PHTF2: variants seen among roughly 807,000 people sequenced by gnomAD.
PHTF2 encodes the protein protein PHTF2.
A neutral mutation model predicts 101.2 loss-of-function variants in PHTF2; 60 were observed. That is an observed-to-expected ratio of 0.59 (90% CI 0.48 to 0.73). The LOEUF (loss-of-function observed/expected upper bound fraction) is 0.73, where lower values mean the gene tolerates loss of function less well. Among genes scored for constraint, PHTF2 ranks in the 30% least tolerant of loss-of-function variants. The pLI is 0.00. For synonymous variants in PHTF2, 311 were observed against 307.3 expected, an observed-to-expected ratio of 1.01 and a Z score of -0.13; for missense variants, 747 against 908.7, an observed-to-expected ratio of 0.82 and a Z score of 2.29.
chr7:77,932,196 C>G (rs577271573), intron 12 of PHTF2, among the ~76,000 whole-genome samples: 4 of 152,156 alleles, frequency 2.6e-5, no homozygotes, highest in Admixed American at 2.6e-4. Context: ...GGTGTTGACT[C>G]CCTAATATAT....
At chr7:77,854,117 T>C (rs1236256445) in intron 2 of PHTF2, among the ~76,000 whole-genome samples, 1 of 152,194 alleles carries the variant, frequency 6.6e-6, no homozygotes, top group East Asian at 1.9e-4. Context: ...GGGAATTTAG[T>C]TTTGTGATCT....
chr7:77,886,135 A>G (rs1377290283), intron 3 of PHTF2, among the ~76,000 whole-genome samples: 1 of 152,154 alleles, frequency 6.6e-6, no homozygotes. Flanking sequence ...TAAACTATTG[A>G]TAACTACCTT....
intron 5 of PHTF2, among the ~76,000 whole-genome samples, chr7:77,897,027 A>G (rs868099246): frequency 6.6e-6 from 1 of 152,228 alleles, no homozygotes. Flanking sequence ...AAAAACTTTG[A>G]TTTTTTCTGA....
At chr7:77,846,408 T>C (rs977393761) in intron 2 of PHTF2, among the ~76,000 whole-genome samples, 5 of 152,244 alleles carry the variant, frequency 3.3e-5, no homozygotes, top group Non-Finnish European at 7.3e-5. Flanking sequence ...CCTTATGTGA[T>C]GCTTATTATG....
At chr7:77,905,986 A>T (rs1000698460) in intron 7 of PHTF2, among the ~76,000 whole-genome samples, 1 of 151,186 alleles carries the variant, frequency 6.6e-6, no homozygotes, top group Admixed American at 6.6e-5. Context: ...TTCTCTATAT[A>T]TCTTCTTTTT....
At chr7:77,822,069 G>A (rs1488923857) in intron 1 of PHTF2, among the ~76,000 whole-genome samples, 2 of 152,344 alleles carry the variant, frequency 1.3e-5, no homozygotes, top group East Asian at 3.9e-4. Context: ...GCTGCTTAGA[G>A]ACGTGGGGGG....
At chr7:77,828,656 A>G (rs1258346697) in intron 1 of PHTF2, among the ~76,000 whole-genome samples, 1 of 152,140 alleles carries the variant, frequency 6.6e-6, no homozygotes, top group Non-Finnish European at 1.5e-5. Context: ...TCAAAATACA[A>G]AATTTATATA....
intron 1 of PHTF2, among the ~76,000 whole-genome samples, chr7:77,829,562 A>G (rs1258442862): frequency 1.3e-5 from 2 of 152,242 alleles, no homozygotes; most frequent in African/African-American, 2.4e-5. Context: ...TATAGATCAC[A>G]TGATTACAAA....
intron 1 of PHTF2, among the ~76,000 whole-genome samples, chr7:77,834,183 A>G (rs1211186138): frequency 6.6e-6 from 1 of 152,026 alleles, no homozygotes; most frequent in Non-Finnish European, 1.5e-5. Flanking sequence ...GCATCATGGT[A>G]CATGCCTATA....
chr7:77,867,257 T>TCA (rs1798142992), intron 3 of PHTF2, among the ~76,000 whole-genome samples: 1 of 152,144 alleles, frequency 6.6e-6, no homozygotes, highest in East Asian at 1.9e-4. Flanking sequence ...TGATTAGGGA[T>TCA]TAAATGTAAC....
intron 2 of PHTF2, among the ~76,000 whole-genome samples, chr7:77,846,557 C>G (rs1054283624): frequency 4.6e-5 from 3 of 65,434 alleles, no homozygotes; most frequent in East Asian, 4.5e-4. Context: ...CCCTCCCCTC[C>G]CCTCCCCTCG....
chr7:77,890,685 A>G (rs1345774384), intron 3 of PHTF2, among the ~76,000 whole-genome samples: 1 of 138,842 alleles, frequency 7.2e-6, no homozygotes, highest in Non-Finnish European at 1.5e-5. Flanking sequence ...GGCTCACCGC[A>G]AGCTCCGCCT....
chr7:77,881,942 G>A (rs1299198191), intron 3 of PHTF2, among the ~76,000 whole-genome samples: 1 of 152,128 alleles, frequency 6.6e-6, no homozygotes, highest in Non-Finnish European at 1.5e-5. Context: ...CTGAGAGGCA[G>A]ATTCTACCAT....
In PHTF2 at chr7:77,954,612, G is replaced by GTGTGTATATATATATATA. The variant is rs1426693429; in HGVS notation, c.2338-245_2338-244insGTGTATATATATATATAT. 2.4e-3 allele frequency among the ~76,000 whole-genome samples: 218 copies of GTGTGTATATATATATATA among 90,146 alleles called. 2 individuals are homozygous for GTGTGTATATATATATATA. The highest frequency in any genetic ancestry group is 4.8e-3 in the African/African-American group (102 of 21,042). 59.1% of individuals were successfully genotyped at this position (90,146 alleles called of 152,430 possible). A position where few individuals can be genotyped will look rare whatever the true frequency, so the allele number is the denominator to read the frequency against. ...GATAATCATATTAAACAAGTACTGT[G>GTGTGTATATATATATATA]TATATATATATATATATATATATAT... On this transcript the variant is annotated intron_variant, in intron 19 of 19. Coordinates refer to ENST00000416283, the Ensembl canonical transcript of PHTF2.
chr7:77,819,504 TC>T (rs1370488053), intron 1 of PHTF2, among the ~76,000 whole-genome samples: 4 of 152,238 alleles, frequency 2.6e-5, no homozygotes, highest in African/African-American at 9.6e-5. Context: ...ATGGTTTTTG[TC>T]TTTTATTCTA....
intron 1 of PHTF2, among the ~76,000 whole-genome samples, chr7:77,834,575 G>T (rs980671753): frequency 6.6e-6 from 1 of 152,076 alleles, no homozygotes; most frequent in South Asian, 2.1e-4. Context: ...ACCTCACATG[G>T]CTCAGACTGC....
chr7:77,841,790 T>C (rs1157125045), intron 2 of PHTF2, among the ~76,000 whole-genome samples: 1 of 152,200 alleles, frequency 6.6e-6, no homozygotes, highest in African/African-American at 2.4e-5. Context: ...TAAAAATCAG[T>C]CTGCTTAGCT....
At chr7:77,916,163 T>C (rs1802905530) in intron 9 of PHTF2, among the ~76,000 whole-genome samples, 1 of 152,228 alleles carries the variant, frequency 6.6e-6, no homozygotes, top group Non-Finnish European at 1.5e-5. Flanking sequence ...TCTGTTTATT[T>C]TTGTGCATGT....
At chr7:77,912,311 C>G (rs1361723171) in intron 9 of PHTF2, among the ~76,000 whole-genome samples, 1 of 152,136 alleles carries the variant, frequency 6.6e-6, no homozygotes, top group Non-Finnish European at 1.5e-5. Context: ...GGTTTGCTAG[C>G]ATATGAATGA....
Sources: gnomAD v4.1 joint callset for allele counts (sites outside exome capture counted in the v4.1 genomes callset) on GRCh38, gnomAD v4.1.1 for gene constraint, MANE v1.5 for transcripts, NCBI Gene and HGNC (gene_info 2026-07-23, HGNC 2026-07-21) for gene names.